Variants in AGBL4 observed in about 807,000 individuals in gnomAD.
The protein encoded by AGBL4 is cytosolic carboxypeptidase 6.
A neutral mutation model predicts 66.4 loss-of-function variants in AGBL4; 58 were observed. The observed-to-expected ratio is 0.87, with a 90% CI of 0.71 to 1.09. The LOEUF (loss-of-function observed/expected upper bound fraction) is 1.09, where lower values mean the gene tolerates loss of function less well. Among genes scored for constraint, AGBL4 ranks in the 50% least tolerant of loss-of-function variants. AGBL4 has a pLI of 0.00. For missense variants in AGBL4, 579 were observed against 631.0 expected, an observed-to-expected ratio of 0.92 and a Z score of 0.88; for synonymous variants, 234 against 222.9, an observed-to-expected ratio of 1.05 and a Z score of -0.44.
chr1:49,510,749 T>A (rs918361820), intron 3 of AGBL4, among the ~76,000 whole-genome samples: 5 of 151,724 alleles, frequency 3.3e-5, no homozygotes, highest in African/African-American at 7.3e-5. Flanking sequence ...CCAACTTGAA[T>A]TGATTTTTGT....
chr1:48,706,057 G>C (rs1046237981), intron 6 of AGBL4, among the ~76,000 whole-genome samples: 2 of 152,110 alleles, frequency 1.3e-5, no homozygotes, highest in African/African-American at 2.4e-5. Context: ...AGCAAAAAAA[G>C]AGCAACACAA....
At chr1:49,184,851 A>G (rs1646987098) in intron 4 of AGBL4, among the ~76,000 whole-genome samples, 1 of 152,182 alleles carries the variant, frequency 6.6e-6, no homozygotes, top group Non-Finnish European at 1.5e-5. Flanking sequence ...TCCTCATATG[A>G]AAGATACGGA....
intron 5 of AGBL4, among the ~76,000 whole-genome samples, chr1:48,939,682 C>T (rs927951172): frequency 6.6e-6 from 1 of 152,146 alleles, no homozygotes; most frequent in Non-Finnish European, 1.5e-5. Flanking sequence ...AGCTTCTGTA[C>T]CTTCTAGGTT....
chr1:48,921,351 C>G (rs111677896), intron 5 of AGBL4, among the ~76,000 whole-genome samples: 54 of 152,212 alleles, frequency 3.5e-4, no homozygotes, highest in African/African-American at 1.2e-3. Context: ...AAATTCCTAC[C>G]GTGACAGACT....
intron 2 of AGBL4, among the ~76,000 whole-genome samples, chr1:49,776,938 T>C (rs901157914): frequency 2.0e-5 from 3 of 152,102 alleles, no homozygotes; most frequent in Non-Finnish European, 4.4e-5. Context: ...AGTTCACAAA[T>C]AATAAATAAC....
chr1:49,754,295 TG>T (rs1328273741), intron 2 of AGBL4, among the ~76,000 whole-genome samples: 17 of 146,648 alleles, frequency 1.2e-4, no homozygotes, highest in African/African-American at 2.6e-4. Context: ...TTATTTTTAA[TG>T]TTTTTTTTTT....
chr1:48,655,921 A>G (rs1167981424), intron 7 of AGBL4, among the ~76,000 whole-genome samples: 1 of 152,214 alleles, frequency 6.6e-6, no homozygotes, highest in Non-Finnish European at 1.5e-5. Flanking sequence ...CTACACTGAC[A>G]TTGTATGATT....
intron 4 of AGBL4, among the ~76,000 whole-genome samples, chr1:49,058,580 T>C (rs1262422597): frequency 6.6e-6 from 1 of 152,120 alleles, no homozygotes; most frequent in Non-Finnish European, 1.5e-5. Context: ...ACTAGTATGG[T>C]AAATTAGTAT....
intron 2 of AGBL4, among the ~76,000 whole-genome samples, chr1:49,842,691 T>C (rs1260570157): frequency 6.6e-6 from 1 of 152,068 alleles, no homozygotes. Flanking sequence ...TTGTGATGAA[T>C]GCTGAGAAAA....
chr1:48,802,779 T>C (rs988203960), intron 6 of AGBL4, among the ~76,000 whole-genome samples: 2 of 152,222 alleles, frequency 1.3e-5, no homozygotes, highest in African/African-American at 4.8e-5. Flanking sequence ...TTATAACACA[T>C]GGCCTATGGA....
At chr1:49,147,808 G>C (rs1646248063) in intron 4 of AGBL4, among the ~76,000 whole-genome samples, 1 of 152,070 alleles carries the variant, frequency 6.6e-6, no homozygotes, top group African/African-American at 2.4e-5. Flanking sequence ...TTGAAGGATG[G>C]ATAGTGCTTC....
intron 6 of AGBL4, among the ~76,000 whole-genome samples, chr1:48,863,956 A>AC (rs1183780054): frequency 6.6e-6 from 1 of 152,126 alleles, no homozygotes; most frequent in African/African-American, 2.4e-5. Context: ...ACATAAAAAA[A>AC]TTTTTTAAAA....
intron 6 of AGBL4, among the ~76,000 whole-genome samples, chr1:48,688,805 T>G (rs1175863842): frequency 1.3e-5 from 2 of 152,110 alleles, no homozygotes; most frequent in Non-Finnish European, 2.9e-5. Flanking sequence ...AGCTCTTTTT[T>G]TTTTTTTGAA....
chr1:49,891,224 A>G (rs553932755), intron 1 of AGBL4, among the ~76,000 whole-genome samples: 145 of 152,342 alleles, frequency 9.5e-4, no homozygotes, highest in African/African-American at 3.3e-3. Flanking sequence ...GCACTATTCC[A>G]TTGCCTTTAA....
chr1:49,486,873 G>A (rs1647078815), intron 3 of AGBL4, among the ~76,000 whole-genome samples: 2 of 151,878 alleles, frequency 1.3e-5, no homozygotes, highest in Admixed American at 6.6e-5. Context: ...TAGAGCAAAA[G>A]GTTAGTATGA....
At chr1:49,176,883 G>A (rs1246277421) in intron 4 of AGBL4, among the ~76,000 whole-genome samples, 7 of 151,948 alleles carry the variant, frequency 4.6e-5, no homozygotes, top group Admixed American at 3.9e-4. Context: ...GGAAAAGTTC[G>A]AAATGGGGTT....
chr1:49,365,408 T>C (rs547473630), intron 3 of AGBL4, among the ~76,000 whole-genome samples: 1 of 151,954 alleles, frequency 6.6e-6, no homozygotes, highest in South Asian at 2.1e-4. Flanking sequence ...ATGGAGTCAA[T>C]GAGAAAACGT....
chr1:49,359,320 A>T (rs1644088618), intron 3 of AGBL4, among the ~76,000 whole-genome samples: 1 of 152,196 alleles, frequency 6.6e-6, no homozygotes, highest in Non-Finnish European at 1.5e-5. Flanking sequence ...TTTACTTTCA[A>T]ACCTTAGGTG....
chr1:48,961,108 CGTGTATGTGT>C (rs776952852), intron 5 of AGBL4, among the ~76,000 whole-genome samples: 386 of 127,574 alleles, frequency 3.0e-3, no homozygotes, highest in Non-Finnish European at 4.1e-3. Context: ...TGTGTGTGTG[CGTGTATGTGT>C]GTGTATGTGT....
Sources: allele counts gnomAD v4.1 joint callset (sites outside exome capture counted in the v4.1 genomes callset), GRCh38; gene constraint gnomAD v4.1.1; transcripts MANE v1.5; gene names NCBI Gene and HGNC (gene_info 2026-07-23, HGNC 2026-07-21).